ARHGAP44: variants seen among roughly 807,000 people sequenced by gnomAD.
ARHGAP44 encodes rho GTPase-activating protein 44.
In ARHGAP44, 43 loss-of-function variants were observed where a neutral mutation model predicts 106.8. That is an observed-to-expected ratio of 0.40 (90% confidence interval 0.32 to 0.52). The LOEUF (loss-of-function observed/expected upper bound fraction) is 0.52. ARHGAP44 is among the 20% of genes least tolerant of loss of function. ARHGAP44 has a pLI of 0.48. For synonymous variants in ARHGAP44, 439 were observed against 410.3 expected, an observed-to-expected ratio of 1.07 and a Z score of -0.85; for missense variants, 866 against 1,050.5, an observed-to-expected ratio of 0.82 and a Z score of 2.43.
At chr17:12,967,759 C>T (rs2039429052) in intron 16 of ARHGAP44, among the ~76,000 whole-genome samples, 1 of 152,156 alleles carries the variant, frequency 6.6e-6, no homozygotes, top group Admixed American at 6.6e-5. Flanking sequence ...GCCTAATCCT[C>T]TCCCTGTATG....
At chr17:12,956,064 G>C (rs1360126783) in intron 14 of ARHGAP44, 84 bp downstream of exon 14, 2 of 925,220 alleles carry the variant, frequency 2.2e-6, no homozygotes, top group Non-Finnish European at 3.4e-6. Context: ...CTGGGGCCTA[G>C]CTGAGCACCA....
chr17:12,936,607 T>C (rs2038557231), intron 7 of ARHGAP44, among the ~76,000 whole-genome samples: 1 of 152,256 alleles, frequency 6.6e-6, no homozygotes, highest in Non-Finnish European at 1.5e-5. Context: ...AAGGACATTT[T>C]TGTGGCTGCC....
intron 5 of ARHGAP44, among the ~76,000 whole-genome samples, chr17:12,918,444 T>C (rs1034026436): frequency 2.6e-5 from 4 of 152,172 alleles, no homozygotes; most frequent in Non-Finnish European, 5.9e-5. Flanking sequence ...CATCCTGCCC[T>C]ACTTTTGCTG....
At chr17:12,919,916 G>A (rs1438739611) in intron 6 of ARHGAP44, 85 bp downstream of exon 6, 2 of 1,165,176 alleles carry the variant, frequency 1.7e-6, no homozygotes, top group Non-Finnish European at 2.4e-6. Flanking sequence ...AGGCAATTGT[G>A]TTTTCATTCA....
At chr17:12,987,202 G>A in intron 20 of ARHGAP44, 2 of 1,476,856 alleles carry the variant, frequency 1.4e-6, no homozygotes, top group Non-Finnish European at 9.1e-7. Context: ...AGCCAGGCCA[G>A]CTGCCCGCTC....
intron 1 of ARHGAP44, among the ~76,000 whole-genome samples, chr17:12,822,492 G>A (rs2034800456): frequency 6.6e-6 from 1 of 152,136 alleles, no homozygotes; most frequent in South Asian, 2.1e-4. Flanking sequence ...ACCTCAGGGA[G>A]TTCAATGCCA....
intron 8 of ARHGAP44, among the ~76,000 whole-genome samples, chr17:12,943,327 C>T (rs948127883): frequency 1.3e-5 from 2 of 152,230 alleles, no homozygotes; most frequent in African/African-American, 4.8e-5. Context: ...AAATCAAGCT[C>T]TCTAAGCCAC....
At chr17:12,962,242 AT>A (rs1207575236) in intron 16 of ARHGAP44, among the ~76,000 whole-genome samples, 3 of 152,176 alleles carry the variant, frequency 2.0e-5, no homozygotes, top group African/African-American at 7.2e-5. Context: ...CCTAGATGTC[AT>A]ACAAAGCTTC....
rs112177868 is a variant in ARHGAP44, at chr17:12,807,201, C to T, written c.53+17310C>T. 1.5e-4 allele frequency among the ~76,000 whole-genome samples: 23 copies of T among 152,242 alleles called. No homozygotes were observed. In the East Asian group the frequency reaches 1.5e-3, roughly 10 times the overall value. ...ATAAAGTGGAATTGAAGCATTGAAT[C>T]GGAGCAGTGCTGAGCAGAGAGGAGG... On this transcript the variant is annotated intron_variant, in intron 1 of 20. Coordinates refer to ENST00000379672, the MANE Select transcript of ARHGAP44 (RefSeq NM_014859.6).
At chr17:12,869,846 A>G (rs1597972197) in intron 1 of ARHGAP44, among the ~76,000 whole-genome samples, 1 of 151,938 alleles carries the variant, frequency 6.6e-6, no homozygotes, top group Non-Finnish European at 1.5e-5. Flanking sequence ...CACACTTAAT[A>G]TATCTTCAAT....
intron 10 of ARHGAP44, among the ~76,000 whole-genome samples, chr17:12,945,331 T>C (rs901395138): frequency 1.3e-5 from 2 of 152,180 alleles, no homozygotes; most frequent in Non-Finnish European, 2.9e-5. Context: ...TGATAAGTGT[T>C]GTTTTATTGC....
rs555693176 is a variant in ARHGAP44 at position 12,960,442 on chromosome 17, T to G, written c.1523+1545T>G. ...CCAGCCGGGAGTGGTGGCACGCACT[T>G]GTAATCCCAGCTACTCAGGAGGCTG... On this transcript the variant is annotated intron_variant, in intron 16 of 20. Coordinates refer to ENST00000379672, the MANE Select transcript of ARHGAP44 (RefSeq NM_014859.6). Among the ~76,000 whole-genome samples, 249 of 152,104 alleles carry G rather than the reference T, an allele frequency of 1.6e-3. 2 individuals are homozygous for G. The highest frequency in any genetic ancestry group is 5.6e-3 in the African/African-American group (232 of 41,550).
intron 3 of ARHGAP44, among the ~76,000 whole-genome samples, chr17:12,904,435 A>C (rs143697292): frequency 6.6e-6 from 1 of 152,248 alleles, no homozygotes; most frequent in African/African-American, 2.4e-5. Context: ...CATTTACACA[A>C]ATAAAAACTC....
chr17:12,879,681 GTGTA>G (rs2036663599), intron 1 of ARHGAP44, among the ~76,000 whole-genome samples: 1 of 111,388 alleles, frequency 9.0e-6, no homozygotes, highest in Non-Finnish European at 2.0e-5. Flanking sequence ...GTGTGTGTAT[GTGTA>G]TATATATATA....
At chr17:12,989,915 T>C (rs1318530173) in intron 20 of ARHGAP44, 117 bp from the exon 21 acceptor site, 10 of 1,422,190 alleles carry the variant, frequency 7.0e-6, no homozygotes, top group Non-Finnish European at 9.6e-6. Context: ...CTCCAAATGA[T>C]CTATCCCTAG....
intron 18 of ARHGAP44, among the ~76,000 whole-genome samples, chr17:12,979,499 T>C (rs2240569): frequency 0.69 from 104,459 of 151,972 alleles, 36,485 homozygotes; most frequent in Non-Finnish European, 0.74. Context: ...CCACCCTAGC[T>C]TCTGCTGGAA....
intron 1 of ARHGAP44, among the ~76,000 whole-genome samples, chr17:12,829,567 T>C (rs2035027111): frequency 6.6e-6 from 1 of 152,206 alleles, no homozygotes; most frequent in African/African-American, 2.4e-5. Context: ...CCAGCCTCTC[T>C]TGGAAGTTCT....
intron 3 of ARHGAP44, 103 bp downstream of exon 3, chr17:12,896,614 C>A: frequency 1.0e-6 from 1 of 1,000,554 alleles, no homozygotes; most frequent in Non-Finnish European, 1.5e-6. Flanking sequence ...TAGCTGCTTA[C>A]GTGCCTGAGA....
rs1598181618 is a variant in ARHGAP44, at chr17:12,991,642, G to C, written c.*1471G>C. 1 of 192,272 alleles carries C rather than the reference G, an allele frequency of 5.2e-6. No homozygotes were observed. Among genetic ancestry groups the C allele is most frequent in the East Asian group, 8.2e-5 (1 of 12,190 alleles). The allele number at this position is 192,272 out of a possible 1,614,324, so 11.9% of individuals were successfully genotyped here. Reference sequence around the variant, plus strand: ...TTATTAAAATAGATTTATTATCCCTGAGCTTGGCATCTGTTCTTGCTTTAA... The same window carrying C: ...TTATTAAAATAGATTTATTATCCCTCAGCTTGGCATCTGTTCTTGCTTTAA... On this transcript the variant is annotated 3_prime_UTR_variant, in exon 21 of 21. Coordinates refer to ENST00000379672, the MANE Select transcript of ARHGAP44 (RefSeq NM_014859.6).
Sources: gnomAD v4.1 joint callset for allele counts (sites outside exome capture counted in the v4.1 genomes callset) on GRCh38, gnomAD v4.1.1 for gene constraint, MANE v1.5 for transcripts, NCBI Gene and HGNC (gene_info 2026-07-23, HGNC 2026-07-21) for gene names.